NBDY: variants seen among roughly 807,000 people sequenced by gnomAD.
The protein encoded by NBDY is negative regulator of P-body association, also known as P-body dissociating protein.
chrX:56,808,044 A>G, intron 2 of NBDY, among the ~76,000 whole-genome samples: 1 of 112,206 alleles, frequency 8.9e-6, no homozygotes, highest in East Asian at 2.8e-4. Flanking sequence ...TATTTGTCGG[A>G]GGCCTTTTCT....
chrX:56,754,278 T>C (rs759059323), intron 2 of NBDY, among the ~76,000 whole-genome samples: 15 of 111,560 alleles, frequency 1.3e-4, no homozygotes, highest in Non-Finnish European at 2.6e-4. Flanking sequence ...GGATAAGACA[T>C]GTAAACAGAA....
intron 2 of NBDY, chrX:56,737,705 G>T: frequency 4.5e-6 from 1 of 221,882 alleles, no homozygotes; most frequent in South Asian, 1.4e-4. Flanking sequence ...GAAAAAGTGT[G>T]GTTATTGATA....
chrX:56,816,503 C>T (rs2069911436), intron 2 of NBDY, among the ~76,000 whole-genome samples: 1 of 111,083 alleles, frequency 9.0e-6, no homozygotes, highest in Admixed American at 9.6e-5. Context: ...AAATATCTTT[C>T]AACAGAATTT....
At chrX:56,810,011 A>T (rs1299283771) in intron 2 of NBDY, among the ~76,000 whole-genome samples, 1 of 111,359 alleles carries the variant, frequency 9.0e-6, no homozygotes, top group Non-Finnish European at 1.9e-5. Flanking sequence ...TTTGCCTATG[A>T]AACTTAGTTT....
At chrX:56,761,249 C>A (rs927058456) in intron 2 of NBDY, among the ~76,000 whole-genome samples, 1 of 112,686 alleles carries the variant, frequency 8.9e-6, no homozygotes, top group Non-Finnish European at 1.9e-5. Flanking sequence ...GGCACCTCCA[C>A]TCATACCTGG....
At chrX:56,736,409 T>A (rs747637007) in intron 2 of NBDY, among the ~76,000 whole-genome samples, 48 of 111,334 alleles carry the variant, frequency 4.3e-4, no homozygotes, top group African/African-American at 1.5e-3. Flanking sequence ...GGACCACCGG[T>A]GCCCGCCACC....
intron 2 of NBDY, among the ~76,000 whole-genome samples, chrX:56,793,594 A>G (rs1220707067): frequency 9.0e-6 from 1 of 110,775 alleles, no homozygotes; most frequent in Admixed American, 9.6e-5. Flanking sequence ...CCATACTGCC[A>G]TCAAGCGGAA....
intron 2 of NBDY, among the ~76,000 whole-genome samples, chrX:56,799,377 G>A (rs764035539): frequency 1.1e-3 from 124 of 113,392 alleles, no homozygotes; most frequent in Non-Finnish European, 1.7e-3. Context: ...TCGGCAGTCA[G>A]TGAACAGTGG....
chrX:56,793,639 C>G (rs2069775555), intron 2 of NBDY, among the ~76,000 whole-genome samples: 1 of 111,113 alleles, frequency 9.0e-6, no homozygotes, highest in Non-Finnish European at 1.9e-5. Flanking sequence ...CTGGGCACAA[C>G]TGCTGGGGAA....
intron 2 of NBDY, among the ~76,000 whole-genome samples, chrX:56,781,152 C>G (rs978130170): frequency 4.5e-5 from 5 of 111,518 alleles, no homozygotes; most frequent in South Asian, 3.8e-4. Flanking sequence ...CACGTCTGAA[C>G]TATATCCTGT....
chrX:56,764,602 C>A (rs182542251), intron 2 of NBDY, among the ~76,000 whole-genome samples: 1 of 108,258 alleles, frequency 9.2e-6, no homozygotes, highest in Admixed American at 1.0e-4. Context: ...ACAACTTCCA[C>A]TAGATGGCAA....
chrX:56,757,623 C>T (rs1401853085), intron 2 of NBDY, among the ~76,000 whole-genome samples: 1 of 111,307 alleles, frequency 9.0e-6, no homozygotes, highest in Non-Finnish European at 1.9e-5. Context: ...GGAGGATTCT[C>T]TGCTTCCATC....
chrX:56,744,887 C>T (rs1395211053), intron 2 of NBDY, among the ~76,000 whole-genome samples: 1 of 111,435 alleles, frequency 9.0e-6, no homozygotes, highest in African/African-American at 3.3e-5. Context: ...TTACAATATT[C>T]ATAGTTTCAT....
intron 2 of NBDY, among the ~76,000 whole-genome samples, chrX:56,781,452 G>T (rs1308896407): frequency 9.0e-6 from 1 of 111,570 alleles, no homozygotes; most frequent in African/African-American, 3.3e-5. Context: ...TACAGACCCG[G>T]GATTTAGGGG....
chrX:56,794,560 A>G (rs2069782389), intron 2 of NBDY, among the ~76,000 whole-genome samples: 1 of 109,430 alleles, frequency 9.1e-6, no homozygotes. Flanking sequence ...TTCTCTGGGC[A>G]GGGGTCCCAG....
intron 2 of NBDY, among the ~76,000 whole-genome samples, chrX:56,760,779 A>G (rs892100192): frequency 3.6e-5 from 4 of 112,451 alleles, no homozygotes; most frequent in African/African-American, 1.3e-4. Flanking sequence ...CTCCTCACCT[A>G]CATGGTCACT....
chrX:56,798,645 T>C (rs2069805910), intron 2 of NBDY, among the ~76,000 whole-genome samples: 1 of 112,230 alleles, frequency 8.9e-6, no homozygotes, highest in South Asian at 3.7e-4. Flanking sequence ...GGCAGCCCTT[T>C]AATCCCAAGC....
chrX:56,762,272 C>CTCT (rs1556003578), intron 2 of NBDY, among the ~76,000 whole-genome samples: 1 of 110,943 alleles, frequency 9.0e-6, no homozygotes, highest in Non-Finnish European at 1.9e-5. Context: ...CTCTTTCTTT[C>CTCT]TCTTTTCTTT....
chrX:56,766,711 G>T (rs1412900307), intron 2 of NBDY, among the ~76,000 whole-genome samples: 1 of 111,934 alleles, frequency 8.9e-6, no homozygotes, highest in Non-Finnish European at 1.9e-5. Context: ...AATTCGGGAA[G>T]TCTGTTATCA....
Sources: gnomAD v4.1 joint callset for allele counts (sites outside exome capture counted in the v4.1 genomes callset) on GRCh38, gnomAD v4.1.1 for gene constraint, MANE v1.5 for transcripts, NCBI Gene and HGNC (gene_info 2026-07-23, HGNC 2026-07-21) for gene names.